Variants in QSOX2 observed in about 807,000 individuals in gnomAD.
QSOX2 encodes the protein sulfhydryl oxidase 2.
Under a neutral mutation model 61.7 loss-of-function variants are expected in QSOX2, and 46 were observed. The observed-to-expected ratio is 0.75, with a 90% confidence interval of 0.59 to 0.95. The LOEUF (loss-of-function observed/expected upper bound fraction) is 0.95, where lower values mean the gene tolerates loss of function less well. QSOX2 is among the 40% of genes least tolerant of loss of function. The pLI is 0.00. For missense variants in QSOX2, 879 were observed against 918.9 expected (o/e 0.96, Z 0.56); for synonymous variants, 383 against 388.4 (o/e 0.99, Z 0.16).
chr9:136,222,165 A>G lies in QSOX2; in HGVS notation c.676-224T>C, dbSNP rs1830223861. On this transcript the variant is annotated intron_variant, in intron 5 of 11. Transcript: ENST00000358701. The surrounding 1 kb of genome is among the most constrained non-coding windows in gnomAD (Gnocchi z 6.9). ...CCACGGTCTTATTCGGCAATTTTAC[A>G]AACTCATCAAAGAAAACACTTATCC... Among the ~76,000 whole-genome samples the G allele has an allele frequency of 6.6e-6, 1 of 152,180 alleles. No homozygotes were observed. Among genetic ancestry groups the G allele is most frequent in the African/African-American group, 2.4e-5 (1 of 41,446 alleles).
In QSOX2 at chr9:136,219,102, T is replaced by C. The variant is rs201765666; in HGVS notation, c.884A>G (p.Lys295Arg). The change falls in exon 7 of 12, where the codon AAA (lysine) becomes AGA (arginine). Residue 295 changes from lysine (K) to arginine (R), a missense_variant. Transcript: ENST00000358701. ...TGGCTTTTCAGGCAAGGGAAGCGAT[T>C]TTTTCCTCACATCCGGCAATGACTT... ...YLKSLPDVRKKSLPLPEKPHK... is the reference protein window; with the variant it reads ...YLKSLPDVRKRSLPLPEKPHK... The C allele has an allele frequency of 1.5e-4, 235 of 1,613,960 alleles. No individual in the cohort carries two copies. Among genetic ancestry groups the C allele is most frequent in the Non-Finnish European group, 4.5e-5 (53 of 1,180,030 alleles).
intron 1 of QSOX2, among the ~76,000 whole-genome samples, chr9:136,241,805 C>G (rs905258657): frequency 3.9e-5 from 6 of 152,234 alleles, no homozygotes; most frequent in African/African-American, 1.4e-4. Context: ...TCTAGGAGGA[C>G]TCAGCCTGTT....
chr9:136,234,372 C>T (rs542356737), intron 1 of QSOX2, among the ~76,000 whole-genome samples: 2 of 152,292 alleles, frequency 1.3e-5, no homozygotes, highest in Admixed American at 6.5e-5. Flanking sequence ...CTGGCACCCC[C>T]AGCCCGCAAG....
In QSOX2 at chr9:136,223,760, T is replaced by G. The variant is rs751132653; in HGVS notation, c.675+3A>C. On this transcript the variant is annotated splice_donor_region_variant and intron_variant, in intron 5 of 11. Coordinates refer to ENST00000358701, the MANE Select transcript of QSOX2 (RefSeq NM_181701.4). The surrounding 1 kb of genome is among the most constrained non-coding windows in gnomAD (Gnocchi z 4.4). ...ACACCTGGAGCCCACGCAGAGGCCG[T>G]ACCTCCCGTCCAAGGTAGGAGCTGT... The G allele has an allele frequency of 1.2e-5, 19 of 1,613,274 alleles. No homozygotes were observed. The highest frequency in any genetic ancestry group is 3.4e-6 in the Non-Finnish European group (4 of 1,179,604).
At position 136,222,054 on chromosome 9, in the gene QSOX2, GT is replaced by G. The variant is rs1830220983; in HGVS notation, c.676-114del. 1.5e-5 allele frequency: 17 copies of G among 1,131,914 alleles called. No individual in the cohort carries two copies. Among genetic ancestry groups the G allele is most frequent in the Non-Finnish European group, 1.9e-5 (16 of 830,558 alleles). The allele number at this position is 1,131,914 out of a possible 1,614,324, so 70.1% of individuals were successfully genotyped here. A position where few individuals can be genotyped will look rare whatever the true frequency, so the allele number is the denominator to read the frequency against. Reference sequence around the variant, plus strand: ...CCTTTCACAAAAGGGCATGAAGTCTGTCCCCCTGCAGGCAAGACCCTCACTC... The same window carrying G: ...CCTTTCACAAAAGGGCATGAAGTCTGCCCCCTGCAGGCAAGACCCTCACTC... On this transcript the variant is annotated intron_variant, in intron 5 of 11. Transcript: ENST00000358701. The surrounding 1 kb of genome is among the most constrained non-coding windows in gnomAD (Gnocchi z 6.9).
chr9:136,208,523 A>C lies in QSOX2; in HGVS notation c.*205T>G. On this transcript the variant is annotated 3_prime_UTR_variant, in exon 12 of 12. Coordinates refer to ENST00000358701, the MANE Select transcript of QSOX2 (RefSeq NM_181701.4). Reference sequence around the variant, plus strand: ...AGACTTGAGTACGCCAGGAATGCAAATATCCCCACAAAATTACCCCGTGTT... The same window carrying C: ...AGACTTGAGTACGCCAGGAATGCAACTATCCCCACAAAATTACCCCGTGTT... 6.8e-6 allele frequency: 4 copies of C among 584,642 alleles called. No individual in the cohort carries two copies. Among genetic ancestry groups the C allele is most frequent in the Non-Finnish European group, 8.7e-6 (3 of 343,982 alleles). 36.2% of individuals were successfully genotyped at this position (584,642 alleles called of 1,614,324 possible). A position where few individuals can be genotyped will look rare whatever the true frequency, so the allele number is the denominator to read the frequency against.
chr9:136,235,936 G>A (rs1199748186), intron 1 of QSOX2, among the ~76,000 whole-genome samples: 3 of 152,210 alleles, frequency 2.0e-5, no homozygotes, highest in African/African-American at 7.2e-5. Context: ...GGAGGAACTG[G>A]GCTGTGGAGA....
At chr9:136,243,005 C>G in intron 1 of QSOX2, among the ~76,000 whole-genome samples, 1 of 152,348 alleles carries the variant, frequency 6.6e-6, no homozygotes, top group Middle Eastern at 3.4e-3. Flanking sequence ...AGGTCAGACA[C>G]GCCTGGTTAC....
chr9:136,216,801 A>C (rs1222651096), intron 8 of QSOX2, 79 bp from the exon 9 acceptor site: 2 of 1,550,650 alleles, frequency 1.3e-6, no homozygotes, highest in Non-Finnish European at 1.8e-6. Flanking sequence ...CCGCACCTCC[A>C]AAGAGAAGCA....
Position 136,223,895 on chromosome 9 carries a change from C to T in QSOX2, c.585-42G>A, listed in dbSNP as rs1028824657. 1.9e-6 allele frequency: 3 copies of T among 1,597,342 alleles called. No individual in the cohort carries two copies. The highest frequency in any genetic ancestry group is 2.6e-6 in the Non-Finnish European group (3 of 1,165,290). On this transcript the variant is annotated intron_variant, in intron 4 of 11. Transcript: ENST00000358701. The surrounding 1 kb of genome is among the most constrained non-coding windows in gnomAD (Gnocchi z 4.4). Reference sequence around the variant, plus strand: ...AAGAGGCTTTTAGTGCCGTCAACAGCAGCGAGTTGGCCACCACATCCCAGT... The same window carrying T: ...AAGAGGCTTTTAGTGCCGTCAACAGTAGCGAGTTGGCCACCACATCCCAGT...
chr9:136,226,186 G>C (rs1564294010), intron 2 of QSOX2, among the ~76,000 whole-genome samples: 1 of 152,238 alleles, frequency 6.6e-6, no homozygotes, highest in Non-Finnish European at 1.5e-5. Flanking sequence ...AGGCGCCCAC[G>C]TTTCTGGAGA....
chr9:136,207,651 G>T lies in QSOX2; in HGVS notation c.*1077C>A, dbSNP rs968129095. ...CTGTGTGGAGACCCTTCCCAAAACAGCTTCAGGCAAAGGAAGCCTGGCCCC... is the reference window on the plus strand; with the variant it reads ...CTGTGTGGAGACCCTTCCCAAAACATCTTCAGGCAAAGGAAGCCTGGCCCC... On this transcript the variant is annotated 3_prime_UTR_variant, in exon 12 of 12. Transcript: ENST00000358701. 5.3e-5 allele frequency: 8 copies of T among 152,374 alleles called. No individual in the cohort carries two copies. The highest frequency in any genetic ancestry group is 2.0e-4 in the Admixed American group (3 of 15,282). The allele number at this position is 152,374 out of a possible 1,614,324, so 9.4% of individuals were successfully genotyped here.
chr9:136,223,664 T>C lies in QSOX2; in HGVS notation c.675+99A>G, dbSNP rs1830248916. Reference sequence around the variant, plus strand: ...CTAAAGCCACAGACAGGACACGAGATGCCGACACAGTGACCGGCACCTGCA... The same window carrying C: ...CTAAAGCCACAGACAGGACACGAGACGCCGACACAGTGACCGGCACCTGCA... On this transcript the variant is annotated intron_variant, in intron 5 of 11. Coordinates refer to ENST00000358701, the MANE Select transcript of QSOX2 (RefSeq NM_181701.4). The surrounding 1 kb of genome is among the most constrained non-coding windows in gnomAD (Gnocchi z 4.4). 1.0e-5 allele frequency: 9 copies of C among 864,940 alleles called. No individual in the cohort carries two copies. In the South Asian group the frequency reaches 1.4e-4, roughly 14 times the overall value. The allele number at this position is 864,940 out of a possible 1,614,324, so 53.6% of individuals were successfully genotyped here. A position where few individuals can be genotyped will look rare whatever the true frequency, so the allele number is the denominator to read the frequency against.
At chr9:136,236,684 G>A (rs1035399572) in intron 1 of QSOX2, among the ~76,000 whole-genome samples, 1 of 151,202 alleles carries the variant, frequency 6.6e-6, no homozygotes, top group African/African-American at 2.4e-5. Flanking sequence ...CTGTGCCAGC[G>A]ACACCTGAAG....
intron 1 of QSOX2, among the ~76,000 whole-genome samples, chr9:136,239,616 G>T (rs910011375): frequency 6.6e-6 from 1 of 152,264 alleles, no homozygotes; most frequent in African/African-American, 2.4e-5. Flanking sequence ...CAGGGCGAGG[G>T]AAGTCCAGCT....
chr9:136,224,846 T>C lies in QSOX2; in HGVS notation c.478+15A>G. ...GGGAATCTCAGGGACTAAAATACAATGCTTATGTCCTTACCTTTAAAATTT... is the reference window on the plus strand; with the variant it reads ...GGGAATCTCAGGGACTAAAATACAACGCTTATGTCCTTACCTTTAAAATTT... On this transcript the variant is annotated intron_variant, in intron 3 of 11. Coordinates refer to ENST00000358701, the MANE Select transcript of QSOX2 (RefSeq NM_181701.4). 1 of 1,557,886 alleles carries C rather than the reference T, an allele frequency of 6.4e-7. No homozygotes were observed.
intron 1 of QSOX2, among the ~76,000 whole-genome samples, chr9:136,238,196 G>T (rs1564298275): frequency 6.6e-6 from 1 of 152,214 alleles, no homozygotes; most frequent in Non-Finnish European, 1.5e-5. Context: ...CTATTTCCAG[G>T]TTTTACCTAA....
chr9:136,234,137 G>C (rs1246842202), intron 1 of QSOX2, among the ~76,000 whole-genome samples: 1 of 151,462 alleles, frequency 6.6e-6, no homozygotes, highest in East Asian at 1.9e-4. Flanking sequence ...AGGCCTTCAC[G>C]TGGCTCCACC....
At chr9:136,241,771 C>T (rs1490775265) in intron 1 of QSOX2, among the ~76,000 whole-genome samples, 1 of 152,236 alleles carries the variant, frequency 6.6e-6, no homozygotes, top group African/African-American at 2.4e-5. Flanking sequence ...ACAACATAAG[C>T]GTTCCCGCCC....
Sources: gnomAD v4.1 joint callset for allele counts (sites outside exome capture counted in the v4.1 genomes callset) on GRCh38, gnomAD v4.1.1 for gene constraint, Gnocchi (gnomAD v3.1) non-coding constraint, MANE v1.5 for transcripts, NCBI Gene and HGNC (gene_info 2026-07-23, HGNC 2026-07-21) for gene names.